CBARP: variants seen among roughly 807,000 people sequenced by gnomAD.
CBARP encodes voltage-dependent calcium channel beta subunit-associated regulatory protein.
A neutral mutation model predicts 36.3 loss-of-function variants in CBARP; 24 were observed. That is an observed-to-expected ratio of 0.66 (90% CI 0.48 to 0.93). The LOEUF (loss-of-function observed/expected upper bound fraction) is 0.93. Among genes scored for constraint, CBARP ranks in the 40% least tolerant of loss-of-function variants. The pLI, the probability that CBARP is intolerant of heterozygous loss-of-function variation, is 0.00. For synonymous variants in CBARP, 586 were observed against 453.2 expected (o/e 1.29, Z -3.72); for missense variants, 1,146 against 980.4 (o/e 1.17, Z -2.26).
chr19:1,230,957 C>A lies in CBARP; in HGVS notation c.1154+144G>T, dbSNP rs745899331. 8.3e-6 allele frequency: 13 copies of A among 1,573,038 alleles called. No homozygotes were observed. The East Asian group carries it at 1.4e-4, about 16-fold the overall frequency. On this transcript the variant is annotated intron_variant, in intron 9 of 9. Transcript: ENST00000650044. ...TGGAGAGGTGGCCCCAGTGAGTCCG[C>A]CTCTGGGAGGGGCCTTGCCGCTGGA...
chr19:1,230,983 G>C, intron 9 of CBARP, 118 bp downstream of exon 9: 1 of 1,555,678 alleles, frequency 6.4e-7, no homozygotes, highest in Non-Finnish European at 8.7e-7. Context: ...TGCCGCTGGA[G>C]GCAGGCGAGC....
intron 8 of CBARP, among the ~76,000 whole-genome samples, chr19:1,231,712 G>T (rs2080897142): frequency 6.6e-6 from 1 of 151,650 alleles, no homozygotes; most frequent in Non-Finnish European, 1.5e-5. Context: ...GTGGGCCCTG[G>T]CTTGGGCCAG....
At chr19:1,235,233 G>A in intron 4 of CBARP, 88 bp from the exon 5 acceptor site, 2 of 1,341,008 alleles carry the variant, frequency 1.5e-6, no homozygotes, top group Admixed American at 3.8e-5. Flanking sequence ...GGCGGCCACG[G>A]CAGGGAGGGC....
rs777667663 is a variant in CBARP, at chr19:1,233,625, A to G, written c.780T>C (p.Gly260=). ...DSGEGTSLDA[G]TRSTKAGGPG... is the part of the protein sequence containing the mutation. ...GCCCTCCAGCCTTGGTGCTCCTGGT[A>G]CCGGCATCCAACTGGCAGGGAACAG... Residue 260 remains glycine, a synonymous_variant, in exon 8 of 10, where the codon GGT becomes GGC. Coordinates refer to ENST00000650044, the MANE Select transcript of CBARP (RefSeq NM_001393918.1). 4 of 1,608,370 alleles carry G rather than the reference A, an allele frequency of 2.5e-6. No homozygotes were observed. The South Asian group carries it at 3.3e-5, about 13-fold the overall frequency.
In CBARP at chr19:1,233,623, G is replaced by A; in HGVS notation, c.782C>T (p.Thr261Ile). Residue 261 changes from threonine to isoleucine, a missense_variant, in exon 8 of 10, where the codon ACC becomes ATC. Physicochemically the swap from Thr to Ile is moderately conservative, Grantham distance 89 (BLOSUM62 -1). Transcript: ENST00000650044. ...SGEGTSLDAGTRSTKAGGPGA... is the reference protein window; with the variant it reads ...SGEGTSLDAGIRSTKAGGPGA... Reference sequence around the variant, plus strand: ...GGGCCCTCCAGCCTTGGTGCTCCTGGTACCGGCATCCAACTGGCAGGGAAC... The same window carrying A: ...GGGCCCTCCAGCCTTGGTGCTCCTGATACCGGCATCCAACTGGCAGGGAAC... 2 of 1,608,714 alleles carry A rather than the reference G, an allele frequency of 1.2e-6. No homozygotes were observed. The highest frequency in any genetic ancestry group is 8.5e-7 in the Non-Finnish European group (1 of 1,178,196).
chr19:1,236,856 G>A (rs927084430), intron 1 of CBARP, among the ~76,000 whole-genome samples: 1 of 146,482 alleles, frequency 6.8e-6, no homozygotes, highest in South Asian at 2.1e-4. Flanking sequence ...CGGCCTGGGG[G>A]GGGGCGGCGG....
chr19:1,237,279 G>A (rs1357185726), intron 1 of CBARP, among the ~76,000 whole-genome samples: 2 of 152,232 alleles, frequency 1.3e-5, no homozygotes, highest in Non-Finnish European at 2.9e-5. Flanking sequence ...CCTGGTACTG[G>A]GGGAAGGGGC....
Position 1,236,038 on chromosome 19 carries a change from T to C in CBARP, c.63A>G (p.Val21=), listed in dbSNP as rs542058485. The C allele has an allele frequency of 2.0e-6, 3 of 1,536,036 alleles. No individual in the cohort carries two copies. In the South Asian group the frequency reaches 3.8e-5, roughly 19 times the overall value. The change falls in exon 2 of 10, where the codon GTA becomes GTG. Residue 21 remains valine (V), a synonymous_variant. Coordinates refer to ENST00000650044, the MANE Select transcript of CBARP (RefSeq NM_001393918.1). The part of the protein sequence containing the change: ...ATTTTTTTAT[V]ALTTSWDNAT... ...CATTGTCCCACGACGTCGTCAGGGC[T>C]ACTGTGGCAGTGGTGGTGGTGGTGG...
chr19:1,234,509 C>T (rs533926715), intron 6 of CBARP, 62 bp downstream of exon 6: 353 of 1,512,490 alleles, frequency 2.3e-4, no homozygotes, highest in Admixed American at 1.6e-3. Context: ...CGTGGGGGTC[C>T]GGGAGTCCCC....
chr19:1,236,583 G>A (rs536790364), intron 1 of CBARP, among the ~76,000 whole-genome samples: 41 of 152,032 alleles, frequency 2.7e-4, no homozygotes, highest in African/African-American at 9.9e-4. Context: ...CCCTGGCAGG[G>A]CCCACCCGGC....
At chr19:1,231,546 A>G (rs1421970078) in intron 8 of CBARP, among the ~76,000 whole-genome samples, 1 of 35,528 alleles carries the variant, frequency 2.8e-5, no homozygotes, top group Non-Finnish European at 4.9e-5. Context: ...TGGCCCCCTC[A>G]CACACACACG....
rs538453844 is a variant in CBARP, at chr19:1,235,856, C to G, written c.168G>C (p.Val56=). The G allele has an allele frequency of 6.2e-7, 1 of 1,612,088 alleles. No homozygotes were observed. The change falls in exon 3 of 10, where the codon GTG becomes GTC. Residue 56 remains valine (V), a synonymous_variant. Transcript: ENST00000650044. ...CAGACAACACCACCAGCGTGCCCCC[C>G]ACGAACAGCGACATCACCACCACCA... is the stretch of plus-strand genomic sequence containing the variant. ...VLLVVVMSLF[V]GGTLVVLSGV...
chr19:1,232,421 T>C (rs898776380), intron 8 of CBARP, among the ~76,000 whole-genome samples: 2 of 152,146 alleles, frequency 1.3e-5, no homozygotes, highest in African/African-American at 4.8e-5. Context: ...TCTCTGCACT[T>C]GTCCCCTATC....
At position 1,229,409 on chromosome 19, in the gene CBARP, T is replaced by A; in HGVS notation, c.1888A>T (p.Thr630Ser). ...DSVDGPPDGRTLGGAGDDPAI... is the reference protein window; with the variant it reads ...DSVDGPPDGRSLGGAGDDPAI... Reference sequence around the variant, plus strand: ...GGGTCGTCGCCGGCGCCGCCCAGGGTGCGACCGTCGGGCGGGCCGTCCACG... The same window carrying A: ...GGGTCGTCGCCGGCGCCGCCCAGGGAGCGACCGTCGGGCGGGCCGTCCACG... Residue 630 changes from threonine (T) to serine (S), a missense_variant, in exon 10 of 10, where the codon ACC becomes TCC. Transcript: ENST00000650044. This position sits in a 1 kb window ranked among gnomAD's most constrained non-coding sequence, Gnocchi z 5.1. 1 of 1,038,016 alleles carries A rather than the reference T, an allele frequency of 9.6e-7. No individual in the cohort carries two copies. The highest frequency in any genetic ancestry group is 1.2e-6 in the Non-Finnish European group (1 of 858,074). 64.3% of individuals were successfully genotyped at this position (1,038,016 alleles called of 1,614,324 possible).
chr19:1,235,446 T>G, intron 4 of CBARP, 55 bp downstream of exon 4: 1 of 1,499,562 alleles, frequency 6.7e-7, no homozygotes. Context: ...GGGCGGCGGG[T>G]GGCCGAGGGG....
rs778065423 is a variant in CBARP at position 1,236,001 on chromosome 19, G to A, written c.100C>T (p.Pro34Ser). Residue 34 changes from proline to serine, a missense_variant, in exon 2 of 10, where the codon CCC becomes TCC. Pro to Ser is a moderately conservative substitution (Grantham distance 74). Coordinates refer to ENST00000650044, the MANE Select transcript of CBARP (RefSeq NM_001393918.1). ...CACCTGTCCCCTGCACCCACCGTGG[G>A]GCGTCCAGTGGCATTGTCCCACGAC... Reference protein sequence around the residue: ...TTSWDNATGRPTAEPDPILDN... With the variant: ...TTSWDNATGRSTAEPDPILDN... 6.4e-7 allele frequency: 1 copy of A among 1,553,720 alleles called. No homozygotes were observed. Among genetic ancestry groups the A allele is most frequent in the Non-Finnish European group, 8.7e-7 (1 of 1,147,936 alleles).
Position 1,235,062 on chromosome 19 carries a change from C to T in CBARP, c.394G>A (p.Val132Ile), listed in dbSNP as rs755934117. The change falls in exon 5 of 10, where the codon GTC (valine) becomes ATC (isoleucine). Residue 132 changes from valine to isoleucine, a missense_variant. Val to Ile is a conservative substitution (Grantham distance 29). Transcript: ENST00000650044. ...AACAGCGCCGCCTCATTGAAGGAGA[C>T]CCGGCGGCCCGTGGAGCTGGTGGAC... ...FLSTSSTGRR[V>I]SFNEAALFEQ... is the part of the protein sequence containing the mutation. 6.2e-7 allele frequency: 1 copy of T among 1,611,148 alleles called. No individual in the cohort carries two copies. The highest frequency in any genetic ancestry group is 8.5e-7 in the Non-Finnish European group (1 of 1,179,202).
chr19:1,236,460 C>T (rs1035477126), intron 1 of CBARP, among the ~76,000 whole-genome samples: 3 of 152,116 alleles, frequency 2.0e-5, no homozygotes, highest in African/African-American at 7.2e-5. Flanking sequence ...GGCAAGCACT[C>T]GGAGGAATGG....
Position 1,231,174 on chromosome 19 carries a change from C to G in CBARP, c.1081G>C (p.Ala361Pro), listed in dbSNP as rs746245251. Residue 361 changes from alanine (A) to proline (P), a missense_variant, in exon 9 of 10, where the codon GCC becomes CCC. Transcript: ENST00000650044. ...APQEDFIQYI[A>P]RAGDAVAFPH... is the part of the protein sequence containing the mutation. Reference sequence around the variant, plus strand: ...AAGGCCACGGCGTCGCCCGCCCGGGCAATGTACTGGATGAAGTCCTCCTGG... The same window carrying G: ...AAGGCCACGGCGTCGCCCGCCCGGGGAATGTACTGGATGAAGTCCTCCTGG... 6.9e-6 allele frequency: 11 copies of G among 1,602,230 alleles called. No individual in the cohort carries two copies. The Admixed American group carries it at 1.5e-4, about 22-fold the overall frequency.
Sources: allele counts gnomAD v4.1 joint callset (sites outside exome capture counted in the v4.1 genomes callset), GRCh38; gene constraint gnomAD v4.1.1; non-coding constraint Gnocchi (gnomAD v3.1); transcripts MANE v1.5; gene names NCBI Gene and HGNC (gene_info 2026-07-23, HGNC 2026-07-21).